The following KCNA2 variants were observed in gnomAD, a reference collection of about 807,000 sequenced individuals.
The protein encoded by KCNA2 is potassium voltage-gated channel subfamily A member 2.
Under a neutral mutation model 33.4 loss-of-function variants are expected in KCNA2, and 11 were observed. The ratio of observed to expected loss-of-function variants is 0.33; its 90% CI spans 0.21 to 0.55. The LOEUF (loss-of-function observed/expected upper bound fraction) is 0.55. KCNA2 is among the 20% of genes least tolerant of loss of function. The pLI is 0.93. For synonymous variants in KCNA2, 222 were observed against 231.3 expected, an observed-to-expected ratio of 0.96 and a Z score of 0.37; for missense variants, 291 against 621.6, an observed-to-expected ratio of 0.47 and a Z score of 5.66.
chr1:110,615,363 C>T (rs2101442989), intron 1 of KCNA2, among the ~76,000 whole-genome samples: 1 of 152,318 alleles, frequency 6.6e-6, no homozygotes, highest in Non-Finnish European at 1.5e-5. Flanking sequence ...GGGGCTTGCC[C>T]TGGGAACTCA....
At position 110,602,397 on chromosome 1, in the gene KCNA2, A is replaced by C; in HGVS notation, c.*886T>G. ...TTTTAAATATTGAGATTCATGCAAC[A>C]AACACCCATGCAGCTCTATTGCATC... On this transcript the variant is annotated 3_prime_UTR_variant, in exon 3 of 3. Transcript: ENST00000316361. 1 of 1,388,658 alleles carries C rather than the reference A, an allele frequency of 7.2e-7. No homozygotes were observed. Among genetic ancestry groups the C allele is most frequent in the Non-Finnish European group, 9.3e-7 (1 of 1,074,640 alleles). 86.0% of individuals were successfully genotyped at this position (1,388,658 alleles called of 1,614,324 possible). A position where few individuals can be genotyped will look rare whatever the true frequency, so the allele number is the denominator to read the frequency against.
chr1:110,616,822 G>A (rs888173582), intron 1 of KCNA2, among the ~76,000 whole-genome samples: 1 of 152,238 alleles, frequency 6.6e-6, no homozygotes, highest in Non-Finnish European at 1.5e-5. Flanking sequence ...ACAGAGCGTG[G>A]CACAGAGGAG....
At chr1:110,621,232 G>A (rs928552826) in intron 1 of KCNA2, among the ~76,000 whole-genome samples, 4 of 152,178 alleles carry the variant, frequency 2.6e-5, no homozygotes, top group African/African-American at 7.2e-5. Context: ...CATAAAAAAT[G>A]GATTAGTGTG....
rs966591886 is a variant in KCNA2, at chr1:110,605,379, A to G, written c.-164+12T>C. The stretch of plus-strand genomic sequence containing the variant: ...CTACACAAGGCTGTTATTAAATGAT[A>G]GATTGATTTACCTGACCAGAGACGT... On this transcript the variant is annotated intron_variant, in intron 2 of 2. Coordinates refer to ENST00000316361, the MANE Select transcript of KCNA2 (RefSeq NM_004974.4). 1 of 152,980 alleles carries G rather than the reference A, an allele frequency of 6.5e-6. No individual in the cohort carries two copies. The highest frequency in any genetic ancestry group is 1.5e-5 in the Non-Finnish European group (1 of 68,712). The allele number at this position is 152,980 out of a possible 1,614,324, so 9.5% of individuals were successfully genotyped here.
chr1:110,602,694 G>A lies in KCNA2; in HGVS notation c.*589C>T. On this transcript the variant is annotated 3_prime_UTR_variant, in exon 3 of 3. Transcript: ENST00000316361. Reference sequence around the variant, plus strand: ...CGACACTGCAGAGAAAAAGCAGAATGCAGCATTTTCCGTTATGAAACACAA... The same window carrying A: ...CGACACTGCAGAGAAAAAGCAGAATACAGCATTTTCCGTTATGAAACACAA... 2.0e-6 allele frequency: 2 copies of A among 992,938 alleles called. No homozygotes were observed. The highest frequency in any genetic ancestry group is 3.5e-5 in the African/African-American group (2 of 57,458). The allele number at this position is 992,938 out of a possible 1,614,324, so 61.5% of individuals were successfully genotyped here.
In KCNA2 at chr1:110,601,510, C is replaced by T. The variant is rs1318901481; in HGVS notation, c.*1773G>A. ...GAGAGGAGGCCCGGGGTGGGTCTGG[C>T]CCAGGACAGCTGGAACTGTGAGGGC... On this transcript the variant is annotated 3_prime_UTR_variant, in exon 3 of 3. Coordinates refer to ENST00000316361, the MANE Select transcript of KCNA2 (RefSeq NM_004974.4). The T allele has an allele frequency of 3.0e-6, 3 of 986,026 alleles. No individual in the cohort carries two copies. Among genetic ancestry groups the T allele is most frequent in the Non-Finnish European group, 3.6e-6 (3 of 830,506 alleles). 61.1% of individuals were successfully genotyped at this position (986,026 alleles called of 1,614,324 possible).
intron 1 of KCNA2, among the ~76,000 whole-genome samples, chr1:110,625,360 G>A (rs769722870): frequency 2.0e-5 from 3 of 152,090 alleles, no homozygotes; most frequent in Non-Finnish European, 4.4e-5. Flanking sequence ...TATACATAAA[G>A]GTGACATCTC....
chr1:110,617,976 C>T (rs1650122196), intron 1 of KCNA2, among the ~76,000 whole-genome samples: 1 of 152,072 alleles, frequency 6.6e-6, no homozygotes, highest in Non-Finnish European at 1.5e-5. Context: ...TGAAAGTCAT[C>T]ATCATGGAGG....
rs779320620 is a variant in KCNA2, at chr1:110,603,959, G to A, written c.824C>T (p.Ala275Val). The change falls in exon 3 of 3, where the codon GCT (alanine) becomes GTT (valine). Residue 275 changes from alanine to valine, a missense_variant. By Grantham distance (64) the Ala-to-Val change is moderately conservative (BLOSUM62 0). Transcript: ENST00000316361. The surrounding 1 kb of genome is among the most constrained non-coding windows in gnomAD (Gnocchi z 5.7). ...TTGCTGAGCGTCCTCTGGCTTCTCA[G>A]CCAACTCTGTCCCCAGGGTGATGAA... ...PYFITLGTEL[A>V]EKPEDAQQGQ... 3 of 1,614,154 alleles carry A rather than the reference G, an allele frequency of 1.9e-6. No individual in the cohort carries two copies. The highest frequency in any genetic ancestry group is 2.5e-6 in the Non-Finnish European group (3 of 1,180,030).
rs770186277 is a variant in KCNA2 at position 110,601,978 on chromosome 1, C to G, written c.*1305G>C. The G allele has an allele frequency of 6.6e-7, 1 of 1,526,028 alleles. No homozygotes were observed. The highest frequency in any genetic ancestry group is 2.5e-5 in the East Asian group (1 of 40,442). The allele number at this position is 1,526,028 out of a possible 1,614,324, so 94.5% of individuals were successfully genotyped here. On this transcript the variant is annotated 3_prime_UTR_variant, in exon 3 of 3. Coordinates refer to ENST00000316361, the MANE Select transcript of KCNA2 (RefSeq NM_004974.4). The stretch of plus-strand genomic sequence containing the variant: ...TTCTATCACTAGCTAGGTAGAGGAA[C>G]GCGTGAAAGAGAGATACTCGATATA...
Position 110,601,578 on chromosome 1 carries a change from G to C in KCNA2, c.*1705C>G. 1 of 989,364 alleles carries C rather than the reference G, an allele frequency of 1.0e-6. No homozygotes were observed. The highest frequency in any genetic ancestry group is 1.2e-6 in the Non-Finnish European group (1 of 832,562). The allele number at this position is 989,364 out of a possible 1,614,324, so 61.3% of individuals were successfully genotyped here. ...CTCAGTAAGACAAGCTTCAGCCATG[G>C]GAACTGAAGCTGCAGCACATGGAGG... On this transcript the variant is annotated 3_prime_UTR_variant, in exon 3 of 3. Transcript: ENST00000316361.
chr1:110,593,694 G>C lies in KCNA2; in HGVS notation c.*9589C>G. 4.7e-6 allele frequency: 2 copies of C among 424,474 alleles called. No homozygotes were observed. Among genetic ancestry groups the C allele is most frequent in the Non-Finnish European group, 8.2e-6 (2 of 244,560 alleles). The allele number at this position is 424,474 out of a possible 1,614,324, so 26.3% of individuals were successfully genotyped here. ...GTGTCAATATTTACAAAAGACTGTGGAGCTCTATGAAGTCTATGTACACCC... is the reference window on the plus strand; with the variant it reads ...GTGTCAATATTTACAAAAGACTGTGCAGCTCTATGAAGTCTATGTACACCC... On this transcript the variant is annotated 3_prime_UTR_variant, in exon 3 of 3. Coordinates refer to ENST00000316361, the MANE Select transcript of KCNA2 (RefSeq NM_004974.4).
In KCNA2 at chr1:110,602,675, T is replaced by C; in HGVS notation, c.*608A>G. ...CCCCGGGCTTCCCTCACATCGACAC[T>C]GCAGAGAAAAAGCAGAATGCAGCAT... On this transcript the variant is annotated 3_prime_UTR_variant, in exon 3 of 3. Coordinates refer to ENST00000316361, the MANE Select transcript of KCNA2 (RefSeq NM_004974.4). 1.0e-6 allele frequency: 1 copy of C among 994,516 alleles called. No homozygotes were observed. The highest frequency in any genetic ancestry group is 1.2e-6 in the Non-Finnish European group (1 of 835,868). 61.6% of individuals were successfully genotyped at this position (994,516 alleles called of 1,614,324 possible).
Position 110,595,757 on chromosome 1 carries a change from C to T in KCNA2, c.*7526G>A. On this transcript the variant is annotated 3_prime_UTR_variant, in exon 3 of 3. Transcript: ENST00000316361. ...ACTTAGGTTTAGTCATAATAAAAAACAGAATGGATTTGTTAGTTCCATTGA... is the reference window on the plus strand; with the variant it reads ...ACTTAGGTTTAGTCATAATAAAAAATAGAATGGATTTGTTAGTTCCATTGA... The T allele has an allele frequency of 3.0e-6, 3 of 985,456 alleles. No individual in the cohort carries two copies. Among genetic ancestry groups the T allele is most frequent in the Non-Finnish European group, 3.6e-6 (3 of 829,930 alleles). 61.0% of individuals were successfully genotyped at this position (985,456 alleles called of 1,614,324 possible).
At chr1:110,609,527 T>C (rs41407848), upstream of KCNA2, among the ~76,000 whole-genome samples, 35,297 of 152,046 alleles carry the variant, frequency 0.23, 6,505 homozygotes, top group African/African-American at 0.47. Context: ...TTTGTGATTC[T>C]AGGACATGTG....
chr1:110,611,915 A>G (rs68033410), intron 1 of KCNA2, among the ~76,000 whole-genome samples: 26,071 of 152,118 alleles, frequency 0.17, 3,163 homozygotes, highest in East Asian at 0.41. Flanking sequence ...CCAGCTACTC[A>G]GGAGGCTTAG....
chr1:110,601,555 C>T lies in KCNA2; in HGVS notation c.*1728G>A. 1 of 987,546 alleles carries T rather than the reference C, an allele frequency of 1.0e-6. No homozygotes were observed. Among genetic ancestry groups the T allele is most frequent in the Non-Finnish European group, 1.2e-6 (1 of 831,434 alleles). The allele number at this position is 987,546 out of a possible 1,614,324, so 61.2% of individuals were successfully genotyped here. A position where few individuals can be genotyped will look rare whatever the true frequency, so the allele number is the denominator to read the frequency against. The stretch of plus-strand genomic sequence containing the variant: ...GAGGGCCACAGGGCCCTTGTGCACT[C>T]AGTAAGACAAGCTTCAGCCATGGGA... On this transcript the variant is annotated 3_prime_UTR_variant, in exon 3 of 3. Coordinates refer to ENST00000316361, the MANE Select transcript of KCNA2 (RefSeq NM_004974.4).
At chr1:110,610,859 G>A (rs147572520), upstream of KCNA2, among the ~76,000 whole-genome samples, 304 of 152,272 alleles carry the variant, frequency 2.0e-3, no homozygotes, top group African/African-American at 7.0e-3. Context: ...GGACCCAAAG[G>A]CTCCCAAAGG....
rs988366201 is a variant in KCNA2, at chr1:110,602,279, A to G, written c.*1004T>C. ...GGAGGGATTTTTGCCTTCTGATGGG[A>G]AAAAAACCCCTAGTTCAAGACCATT... On this transcript the variant is annotated 3_prime_UTR_variant, in exon 3 of 3. Transcript: ENST00000316361. 10 of 1,501,008 alleles carry G rather than the reference A, an allele frequency of 6.7e-6. No homozygotes were observed. The highest frequency in any genetic ancestry group is 2.4e-4 in the Middle Eastern group (1 of 4,206). 93.0% of individuals were successfully genotyped at this position (1,501,008 alleles called of 1,614,324 possible).
Sources: allele counts gnomAD v4.1 joint callset (sites outside exome capture counted in the v4.1 genomes callset), GRCh38; gene constraint gnomAD v4.1.1; non-coding constraint Gnocchi (gnomAD v3.1); transcripts MANE v1.5; gene names NCBI Gene and HGNC (gene_info 2026-07-23, HGNC 2026-07-21).